Variants in ABCG1 observed in about 807,000 individuals in gnomAD.
The protein encoded by ABCG1 is ATP binding cassette subfamily G member 1, also known as ATP-binding cassette sub-family G member 1.
In ABCG1, 29 loss-of-function variants were observed where a neutral mutation model predicts 69.2. The observed-to-expected ratio is 0.42, with a 90% CI of 0.31 to 0.57. The LOEUF is 0.57. ABCG1 is among the 20% of genes least tolerant of loss of function. The probability of loss-of-function intolerance (pLI) is 0.15; values close to 1 mark genes in which losing one functional copy is unlikely to be tolerated. For synonymous variants in ABCG1, 370 were observed against 374.8 expected (o/e 0.99, Z 0.15); for missense variants, 718 against 898.1 (o/e 0.80, Z 2.56).
upstream of ABCG1, among the ~76,000 whole-genome samples, chr21:42,217,349 G>C (rs1202082773): frequency 6.6e-6 from 1 of 152,166 alleles, no homozygotes; most frequent in African/African-American, 2.4e-5. Flanking sequence ...CTGGCCACAT[G>C]GACAGTTCCT....
rs2069055120 is a variant in ABCG1 at position 42,291,360 on chromosome 21, T to C, written c.1495-138T>C. 7 of 1,255,478 alleles carry C rather than the reference T, an allele frequency of 5.6e-6. No individual in the cohort carries two copies. The Admixed American group carries it at 1.0e-4, about 18-fold the overall frequency. The allele number at this position is 1,255,478 out of a possible 1,614,324, so 77.8% of individuals were successfully genotyped here. On this transcript the variant is annotated intron_variant, in intron 12 of 14. Coordinates refer to ENST00000398449, the MANE Select transcript of ABCG1 (RefSeq NM_016818.3). The surrounding 1 kb of genome is among the most constrained non-coding windows in gnomAD (Gnocchi z 6.4). ...TGACTTCGGGAGCTGTGGCGGGAGC[T>C]GTGGGGAGTGGGGAAGGACCCGACT...
Position 42,242,608 on chromosome 21 carries a change from G to A in ABCG1, c.286+16694G>A, listed in dbSNP as rs185659636. ...ACCAAGTGGTGACGCTGAGGAGGGC[G>A]GAAGGAGCATGATGAGAGGTGGCTG... is the stretch of plus-strand genomic sequence containing the variant. On this transcript the variant is annotated intron_variant, in intron 2 of 14. Transcript: ENST00000398449. Among the ~76,000 whole-genome samples, 22 of 152,320 alleles carry A rather than the reference G, an allele frequency of 1.4e-4. No homozygotes were observed. In the South Asian group the frequency reaches 1.4e-3, roughly 10 times the overall value.
intron 2 of ABCG1, among the ~76,000 whole-genome samples, chr21:42,202,533 C>G (rs937092900): frequency 5.9e-5 from 9 of 151,892 alleles, no homozygotes; most frequent in Admixed American, 5.9e-4. Flanking sequence ...CTCCCTCCCC[C>G]CATCCCTCTC....
At chr21:42,239,922 C>T (rs2068027574) in intron 2 of ABCG1, among the ~76,000 whole-genome samples, 1 of 152,214 alleles carries the variant, frequency 6.6e-6, no homozygotes, top group African/African-American at 2.4e-5. Flanking sequence ...GGAAGGTTCC[C>T]CTTTGGTCAT....
At chr21:42,294,747 C>T (rs761106593) in intron 14 of ABCG1, 87 bp downstream of exon 14, 2 of 1,224,932 alleles carry the variant, frequency 1.6e-6, no homozygotes, top group Non-Finnish European at 2.4e-6. Flanking sequence ...TCACAAAAGC[C>T]ACTCTGGGCT....
intron 2 of ABCG1, among the ~76,000 whole-genome samples, chr21:42,251,391 A>T (rs886087181): frequency 6.6e-6 from 1 of 152,214 alleles, no homozygotes; most frequent in African/African-American, 2.4e-5. Flanking sequence ...ATGAGATAAC[A>T]GAGGCTCAGC....
At chr21:42,243,858 G>T (rs575664652) in intron 2 of ABCG1, among the ~76,000 whole-genome samples, 2 of 117,798 alleles carry the variant, frequency 1.7e-5, no homozygotes, top group Admixed American at 1.2e-4. Context: ...TCACTCTGTC[G>T]CCCAGGCTGG....
chr21:42,275,339 G>GC (rs1290622892), intron 4 of ABCG1, among the ~76,000 whole-genome samples: 2 of 152,206 alleles, frequency 1.3e-5, no homozygotes, highest in African/African-American at 2.4e-5. Context: ...GGCGGTGTGT[G>GC]CCCCATGGAG....
intron 2 of ABCG1, among the ~76,000 whole-genome samples, chr21:42,205,894 A>G (rs1218231802): frequency 6.6e-6 from 1 of 151,900 alleles, no homozygotes. Flanking sequence ...TTCATTTTTC[A>G]TGTATTTTTA....
At chr21:42,263,782 C>T (rs550594473) in intron 2 of ABCG1, among the ~76,000 whole-genome samples, 1 of 152,340 alleles carries the variant, frequency 6.6e-6, no homozygotes, top group African/African-American at 2.4e-5. Flanking sequence ...GCTGGGCCTG[C>T]AGTGGCCTCT....
Position 42,276,877 on chromosome 21 carries a change from T to A in ABCG1, c.538-18T>A. The A allele has an allele frequency of 6.2e-7, 1 of 1,614,048 alleles. No individual in the cohort carries two copies. The highest frequency in any genetic ancestry group is 8.5e-7 in the Non-Finnish European group (1 of 1,179,960). On this transcript the variant is annotated intron_variant, in intron 4 of 14. Coordinates refer to ENST00000398449, the MANE Select transcript of ABCG1 (RefSeq NM_016818.3). This position sits in a 1 kb window ranked among gnomAD's most constrained non-coding sequence, Gnocchi z 5.3. Reference sequence around the variant, plus strand: ...GCCGTCTGTTCTGCTTCCACACTGTTGTCCTTGTCCCCTGCAGGTGTCGGC... The same window carrying A: ...GCCGTCTGTTCTGCTTCCACACTGTAGTCCTTGTCCCCTGCAGGTGTCGGC...
intron 2 of ABCG1, among the ~76,000 whole-genome samples, chr21:42,242,231 C>T (rs9979482): frequency 0.17 from 25,199 of 152,218 alleles, 2,354 homozygotes; most frequent in African/African-American, 0.23. Flanking sequence ...GGGCCTGGCA[C>T]AGTGGCTCAG....
intron 2 of ABCG1, among the ~76,000 whole-genome samples, chr21:42,241,586 C>T (rs1360351115): frequency 6.8e-6 from 1 of 146,406 alleles, no homozygotes; most frequent in African/African-American, 2.6e-5. Flanking sequence ...GCCTGAGTGA[C>T]AGAGTGAGAC....
intron 2 of ABCG1, among the ~76,000 whole-genome samples, chr21:42,233,346 C>T (rs1034190896): frequency 6.6e-6 from 1 of 152,148 alleles, no homozygotes; most frequent in Admixed American, 6.5e-5. Flanking sequence ...TGCCGTAGCC[C>T]GCCCTCCTGC....
intron 3 of ABCG1, 81 bp downstream of exon 3, chr21:42,271,268 C>T: frequency 2.3e-6 from 2 of 874,826 alleles, no homozygotes; most frequent in Non-Finnish European, 3.4e-6. Context: ...CTTCCATCAG[C>T]CCCATCACCT....
chr21:42,264,134 C>A (rs1031509590), intron 2 of ABCG1, among the ~76,000 whole-genome samples: 2 of 152,068 alleles, frequency 1.3e-5, no homozygotes, highest in Non-Finnish European at 2.9e-5. Flanking sequence ...ATCTGGGGTG[C>A]CTGGTTTGGG....
At chr21:42,254,013 T>A (rs1264781108) in intron 2 of ABCG1, among the ~76,000 whole-genome samples, 1 of 152,156 alleles carries the variant, frequency 6.6e-6, no homozygotes, top group Non-Finnish European at 1.5e-5. Context: ...CAGCTGCTGG[T>A]GCTGCTTAGA....
In ABCG1 at chr21:42,285,880, C is replaced by G; in HGVS notation, c.859C>G (p.Leu287Val). ...SAKLFELFDQ[L>V]YVLSQGQCVY... ...CCTTTTTCTCCTTCCTTTTTTCCAG[C>G]TTTACGTCCTGAGTCAAGGACAATG... is the stretch of plus-strand genomic sequence containing the variant. The change falls in exon 8 of 15, where the codon CTT becomes GTT. Residue 287 changes from leucine to valine, a missense_variant and splice_region_variant. This residue lies in a region of ABCG1 where 514 missense variants were observed against 574.3 expected (regional missense o/e 0.90). Transcript: ENST00000398449. 1.9e-6 allele frequency: 3 copies of G among 1,610,624 alleles called. No individual in the cohort carries two copies. The highest frequency in any genetic ancestry group is 2.5e-6 in the Non-Finnish European group (3 of 1,177,278).
chr21:42,276,707 C>A lies in ABCG1; in HGVS notation c.538-188C>A. ...ATAGCTGCACCGTGACTAGTGGCAC[C>A]GTGGCTAGCTGCACCGTGGCTAGCG... On this transcript the variant is annotated intron_variant, in intron 4 of 14. Coordinates refer to ENST00000398449, the MANE Select transcript of ABCG1 (RefSeq NM_016818.3). This position sits in a 1 kb window ranked among gnomAD's most constrained non-coding sequence, Gnocchi z 5.3. The A allele has an allele frequency of 1.7e-6, 1 of 604,158 alleles. No homozygotes were observed. The allele number at this position is 604,158 out of a possible 1,614,324, so 37.4% of individuals were successfully genotyped here. A position where few individuals can be genotyped will look rare whatever the true frequency, so the allele number is the denominator to read the frequency against.
Sources: allele counts gnomAD v4.1 joint callset (sites outside exome capture counted in the v4.1 genomes callset), GRCh38; gene constraint gnomAD v4.1.1; regional missense constraint gnomAD v4.1.1; non-coding constraint Gnocchi (gnomAD v3.1); transcripts MANE v1.5; gene names NCBI Gene and HGNC (gene_info 2026-07-23, HGNC 2026-07-21).